RCOR1: variants seen among roughly 807,000 people sequenced by gnomAD.
RCOR1 encodes REST corepressor 1, also known as REST corepressor.
Under a neutral mutation model 64.0 loss-of-function variants are expected in RCOR1, and 12 were observed. The ratio of observed to expected loss-of-function variants is 0.19; its 90% CI spans 0.12 to 0.30. The LOEUF (loss-of-function observed/expected upper bound fraction) is 0.30, where lower values mean the gene tolerates loss of function less well. Ranked by LOEUF, RCOR1 falls within the 10% of genes least tolerant of loss-of-function variation. The pLI, the probability that RCOR1 is intolerant of heterozygous loss-of-function variation, is 1.00. For synonymous variants in RCOR1, 279 were observed against 227.2 expected, an observed-to-expected ratio of 1.23 and a Z score of -2.05; for missense variants, 502 against 621.2, an observed-to-expected ratio of 0.81 and a Z score of 2.04.
chr14:102,712,490 C>A (rs1159276527), intron 7 of RCOR1, among the ~76,000 whole-genome samples: 1 of 151,896 alleles, frequency 6.6e-6, no homozygotes, highest in Admixed American at 6.6e-5. Context: ...AATTGAGTTA[C>A]CTTATCCTAT....
chr14:102,691,121 C>A (rs1461759495), intron 3 of RCOR1, among the ~76,000 whole-genome samples: 5 of 152,226 alleles, frequency 3.3e-5, no homozygotes, highest in African/African-American at 1.2e-4. Flanking sequence ...CACGAACAGT[C>A]CGACAAGTCC....
chr14:102,639,260 C>G (rs888521748), intron 2 of RCOR1, among the ~76,000 whole-genome samples: 2 of 112,470 alleles, frequency 1.8e-5, no homozygotes, highest in South Asian at 6.0e-4. Context: ...TGTTTTCTTT[C>G]TTTCTTTTTT....
Position 102,714,586 on chromosome 14 carries a change from T to G in RCOR1, c.1022T>G (p.Leu341Arg), listed in dbSNP as rs1209047785. ...GCTGCTACCACGGTGCTGAGACAAC[T>G]AGACATGGAATTGGTTTCAGTCAAA... The part of the protein sequence containing the change: ...ATAATTVLRQ[L>R]DMELVSVKRQ... The change falls in exon 8 of 12, where the codon CTA becomes CGA. Residue 341 changes from leucine to arginine, a missense_variant. Transcript: ENST00000262241. The G allele has an allele frequency of 4.3e-6, 7 of 1,610,764 alleles. No homozygotes were observed. The highest frequency in any genetic ancestry group is 5.1e-6 in the Non-Finnish European group (6 of 1,178,012).
At chr14:102,692,426 T>C (rs1278137846) in intron 3 of RCOR1, among the ~76,000 whole-genome samples, 3 of 141,184 alleles carry the variant, frequency 2.1e-5, no homozygotes, top group Admixed American at 7.1e-5. Flanking sequence ...TCTCAAGTAG[T>C]TCAGGAAAAA....
chr14:102,594,646 C>T (rs1893206865), intron 2 of RCOR1, among the ~76,000 whole-genome samples: 1 of 151,554 alleles, frequency 6.6e-6, no homozygotes. Flanking sequence ...TTGATAGTTT[C>T]CTCTTCTCCC....
chr14:102,653,259 C>T (rs1317726739), intron 2 of RCOR1, among the ~76,000 whole-genome samples: 1 of 151,424 alleles, frequency 6.6e-6, no homozygotes, highest in Non-Finnish European at 1.5e-5. Context: ...CTTACTTTCA[C>T]CCAGGCTGGA....
chr14:102,676,886 C>T (rs1238533553), intron 2 of RCOR1, among the ~76,000 whole-genome samples: 3 of 107,578 alleles, frequency 2.8e-5, no homozygotes, highest in South Asian at 6.2e-4. Flanking sequence ...CTGGACGGGG[C>T]GGCTGGCCGG....
chr14:102,685,744 T>C (rs1895404864), intron 3 of RCOR1, among the ~76,000 whole-genome samples: 1 of 152,146 alleles, frequency 6.6e-6, no homozygotes. Flanking sequence ...AGCTGATCAC[T>C]TGAGCTCAAG....
At chr14:102,595,779 C>T (rs1893229622) in intron 2 of RCOR1, among the ~76,000 whole-genome samples, 4 of 151,974 alleles carry the variant, frequency 2.6e-5, no homozygotes, top group Admixed American at 2.0e-4. Flanking sequence ...CGGGGTTTCA[C>T]CGTGTCAGCC....
intron 4 of RCOR1, among the ~76,000 whole-genome samples, chr14:102,704,793 T>C (rs926762768): frequency 1.3e-5 from 2 of 151,966 alleles, no homozygotes; most frequent in Non-Finnish European, 2.9e-5. Context: ...AATAAGCCAT[T>C]CCATCCTGGA....
chr14:102,673,581 C>G (rs547655083), intron 2 of RCOR1, among the ~76,000 whole-genome samples: 2 of 151,988 alleles, frequency 1.3e-5, no homozygotes, highest in South Asian at 4.2e-4. Context: ...GTGATCCGCC[C>G]GCCTTGGCCT....
intron 2 of RCOR1, among the ~76,000 whole-genome samples, chr14:102,597,280 A>G (rs1369476576): frequency 1.3e-5 from 2 of 151,852 alleles, no homozygotes. Flanking sequence ...TTTTTTTATT[A>G]TAGTAAAATA....
At chr14:102,720,330 G>T (rs1446287135) in intron 8 of RCOR1, among the ~76,000 whole-genome samples, 1 of 152,208 alleles carries the variant, frequency 6.6e-6, no homozygotes, top group Non-Finnish European at 1.5e-5. Flanking sequence ...AGCCTGGGAG[G>T]TTGGTATTGT....
At chr14:102,604,054 A>G (rs978070973) in intron 2 of RCOR1, among the ~76,000 whole-genome samples, 1 of 152,140 alleles carries the variant, frequency 6.6e-6, no homozygotes, top group Non-Finnish European at 1.5e-5. Context: ...GACTGTACTC[A>G]GAGATTGGTC....
At position 102,592,813 on chromosome 14, in the gene RCOR1, C is replaced by G; in HGVS notation, c.-74C>G. 1 of 1,178,054 alleles carries G rather than the reference C, an allele frequency of 8.5e-7. No individual in the cohort carries two copies. Among genetic ancestry groups the G allele is most frequent in the Non-Finnish European group, 1.0e-6 (1 of 953,526 alleles). 73.0% of individuals were successfully genotyped at this position (1,178,054 alleles called of 1,614,324 possible). A position where few individuals can be genotyped will look rare whatever the true frequency, so the allele number is the denominator to read the frequency against. On this transcript the variant is annotated 5_prime_UTR_variant, in exon 1 of 12. Coordinates refer to ENST00000262241, the MANE Select transcript of RCOR1 (RefSeq NM_015156.4). ...CCGGCCCCGCGCCGGCCCCGCGCCC[C>G]CTCCCCCGTCTCGGCGCCCCCTCCT... is the stretch of plus-strand genomic sequence containing the variant.
chr14:102,606,934 GTTTTTTTTT>G (rs11464849), intron 2 of RCOR1, among the ~76,000 whole-genome samples: 1 of 112,078 alleles, frequency 8.9e-6, no homozygotes, highest in African/African-American at 3.3e-5. Flanking sequence ...TTTTGTGTTA[GTTTTTTTTT>G]TTTTTTTTGA....
chr14:102,602,924 T>TC (rs1412200358), intron 2 of RCOR1, among the ~76,000 whole-genome samples: 1 of 152,116 alleles, frequency 6.6e-6, no homozygotes, highest in African/African-American at 2.4e-5. Flanking sequence ...CAGACTGGTC[T>TC]CCAACTCCTG....
chr14:102,622,386 C>T (rs1270126871), intron 2 of RCOR1, among the ~76,000 whole-genome samples: 1 of 152,136 alleles, frequency 6.6e-6, no homozygotes. Flanking sequence ...CTCTCCCTAC[C>T]CTCACCCACA....
chr14:102,695,347 T>G (rs1390838131), intron 3 of RCOR1: 1 of 152,088 alleles, frequency 6.6e-6, no homozygotes, highest in Non-Finnish European at 1.5e-5. Flanking sequence ...TGAAGAGCCC[T>G]TCTGCCTCTA....
Sources: gnomAD v4.1 joint callset for allele counts (sites outside exome capture counted in the v4.1 genomes callset) on GRCh38, gnomAD v4.1.1 for gene constraint, MANE v1.5 for transcripts, NCBI Gene and HGNC (gene_info 2026-07-23, HGNC 2026-07-21) for gene names.